Variants in SULF2 observed in about 807,000 individuals in gnomAD.
The protein encoded by SULF2 is extracellular sulfatase Sulf-2.
SULF2 carries 52 observed loss-of-function variants against 107.7 expected under a neutral mutation model. The observed-to-expected ratio is 0.48, with a 90% CI of 0.39 to 0.61. The LOEUF (loss-of-function observed/expected upper bound fraction) is 0.61, where lower values mean the gene tolerates loss of function less well. SULF2 is among the 20% of genes least tolerant of loss of function. The pLI is 0.00. For synonymous variants in SULF2, 460 were observed against 464.3 expected (o/e 0.99, Z 0.12); for missense variants, 993 against 1,177.3 (o/e 0.84, Z 2.29).
At chr20:47,758,011 G>A (rs2090333897) in intron 1 of SULF2, among the ~76,000 whole-genome samples, 1 of 152,098 alleles carries the variant, frequency 6.6e-6, no homozygotes, top group African/African-American at 2.4e-5. Flanking sequence ...TCCACTCACT[G>A]GCTCAGTTTT....
At chr20:47,692,899 G>C (rs940969044) in intron 4 of SULF2, among the ~76,000 whole-genome samples, 1 of 152,130 alleles carries the variant, frequency 6.6e-6, no homozygotes, top group Non-Finnish European at 1.5e-5. Context: ...TATTTTTTGT[G>C]GGGGCAGAGG....
chr20:47,772,488 C>T (rs1201408166), intron 1 of SULF2, among the ~76,000 whole-genome samples: 3 of 152,238 alleles, frequency 2.0e-5, no homozygotes, highest in Non-Finnish European at 4.4e-5. Context: ...GGCCTCTGCG[C>T]TTCCCCTTAC....
At chr20:47,728,204 G>A (rs1160746913) in intron 3 of SULF2, among the ~76,000 whole-genome samples, 2 of 152,188 alleles carry the variant, frequency 1.3e-5, no homozygotes, top group Admixed American at 6.5e-5. Flanking sequence ...GAGGGAAGAA[G>A]GGAGCTGTGT....
At chr20:47,676,869 G>A (rs1016368512) in intron 9 of SULF2, among the ~76,000 whole-genome samples, 1 of 152,232 alleles carries the variant, frequency 6.6e-6, no homozygotes, top group Non-Finnish European at 1.5e-5. Flanking sequence ...GTAGAGGCTG[G>A]ACAAAGCATG....
At chr20:47,743,691 G>A (rs2089942632) in intron 2 of SULF2, among the ~76,000 whole-genome samples, 1 of 152,190 alleles carries the variant, frequency 6.6e-6, no homozygotes, top group Non-Finnish European at 1.5e-5. Context: ...GCCTCACTCA[G>A]AGTAAAAATC....
intron 3 of SULF2, among the ~76,000 whole-genome samples, chr20:47,726,873 A>G (rs1311980251): frequency 6.6e-6 from 1 of 152,134 alleles, no homozygotes; most frequent in African/African-American, 2.4e-5. Flanking sequence ...TTGACCCTGC[A>G]GCTGTTTCAA....
intron 2 of SULF2, among the ~76,000 whole-genome samples, chr20:47,755,120 T>C (rs764500441): frequency 1.3e-5 from 2 of 152,240 alleles, no homozygotes; most frequent in Non-Finnish European, 2.9e-5. Context: ...CGTGAGCCAC[T>C]GCACCCAGCT....
chr20:47,713,575 A>T (rs2146656917), intron 3 of SULF2, among the ~76,000 whole-genome samples: 1 of 152,040 alleles, frequency 6.6e-6, no homozygotes, highest in South Asian at 2.1e-4. Flanking sequence ...GCAACAAATG[A>T]GATTGTGCAT....
Position 47,762,918 on chromosome 20 carries a change from G to A in SULF2, c.-100-5455C>T, listed in dbSNP as rs978700357. On this transcript the variant is annotated intron_variant, in intron 1 of 20. Transcript: ENST00000688720. ...GGAGCTAATTATTTCATCAGATCAA[G>A]TCATCAGTGGGTCGATTTCTGATGA... Among the ~76,000 whole-genome samples, 9 of 152,352 alleles carry A rather than the reference G, an allele frequency of 5.9e-5. No homozygotes were observed. The East Asian group carries it at 1.7e-3, about 29-fold the overall frequency.
At chr20:47,684,367 T>G in intron 6 of SULF2, 64 bp downstream of exon 6, 2 of 1,504,312 alleles carry the variant, frequency 1.3e-6, no homozygotes, top group Non-Finnish European at 1.8e-6. Flanking sequence ...CCAGGAGGTC[T>G]CGGCCCTGGC....
chr20:47,753,799 T>C (rs2090215810), intron 2 of SULF2, among the ~76,000 whole-genome samples: 1 of 152,196 alleles, frequency 6.6e-6, no homozygotes, highest in Admixed American at 6.5e-5. Flanking sequence ...GAGGTTTAGA[T>C]CAAATTAAAT....
chr20:47,729,839 A>G (rs1358810458), intron 3 of SULF2, among the ~76,000 whole-genome samples: 1 of 152,110 alleles, frequency 6.6e-6, no homozygotes, highest in Non-Finnish European at 1.5e-5. Context: ...GCATTGGGCC[A>G]CTTTATAGCA....
At chr20:47,690,045 G>A in intron 5 of SULF2, 81 bp downstream of exon 5, 3 of 1,250,050 alleles carry the variant, frequency 2.4e-6, no homozygotes, top group Middle Eastern at 4.2e-4. Context: ...AAGTCATGGT[G>A]GTGACAGTAC....
chr20:47,753,405 G>C (rs1422012706), intron 2 of SULF2, among the ~76,000 whole-genome samples: 2 of 152,184 alleles, frequency 1.3e-5, no homozygotes, highest in African/African-American at 4.8e-5. Flanking sequence ...TGCTGATGAG[G>C]CCAAGAAGAA....
At chr20:47,740,972 T>A (rs1481637036) in intron 2 of SULF2, among the ~76,000 whole-genome samples, 2 of 152,056 alleles carry the variant, frequency 1.3e-5, no homozygotes, top group Non-Finnish European at 2.9e-5. Context: ...ATCTTTCAGT[T>A]CCCACATCCA....
Position 47,683,092 on chromosome 20 carries a change from G to T in SULF2, c.966C>A (p.Ile322=). The change falls in exon 7 of 21, where the codon ATC becomes ATA. Residue 322 remains isoleucine, a synonymous_variant. Transcript: ENST00000688720. ...IVYTADHGYH[I]GQFGLVKGKS... ...TCCCTTTCACCAGGCCAAACTGGCC[G>T]ATGTGGTAACCGTGGTCGGCGGTGT... is the stretch of plus-strand genomic sequence containing the variant. 3 of 1,613,672 alleles carry T rather than the reference G, an allele frequency of 1.9e-6. No individual in the cohort carries two copies. In the South Asian group the frequency reaches 3.3e-5, roughly 18 times the overall value.
chr20:47,678,870 G>A lies in SULF2; in HGVS notation c.1065-66C>T, dbSNP rs1019922425. The A allele has an allele frequency of 2.1e-6, 3 of 1,421,862 alleles. No homozygotes were observed. The highest frequency in any genetic ancestry group is 2.3e-5 in the East Asian group (1 of 43,544). 88.1% of individuals were successfully genotyped at this position (1,421,862 alleles called of 1,614,324 possible). A position where few individuals can be genotyped will look rare whatever the true frequency, so the allele number is the denominator to read the frequency against. ...GTGGTGCCTCAGCCTCGCGTGGGGG[G>A]TGGGGAGCGGTAGGTGGGCAGCAGT... On this transcript the variant is annotated intron_variant, in intron 7 of 20. Transcript: ENST00000688720. The surrounding 1 kb of genome is among the most constrained non-coding windows in gnomAD (Gnocchi z 4.5).
chr20:47,772,456 T>C (rs557058668), intron 1 of SULF2, among the ~76,000 whole-genome samples: 55 of 152,292 alleles, frequency 3.6e-4, no homozygotes, highest in African/African-American at 1.3e-3. Flanking sequence ...AATGACATTG[T>C]GGTTACATTC....
chr20:47,687,300 G>C (rs1333246189), intron 5 of SULF2, among the ~76,000 whole-genome samples: 3 of 152,170 alleles, frequency 2.0e-5, no homozygotes, highest in African/African-American at 7.2e-5. Context: ...TGTCAAGCCA[G>C]GCTCCCCCAG....
Sources: allele counts gnomAD v4.1 joint callset (sites outside exome capture counted in the v4.1 genomes callset), GRCh38; gene constraint gnomAD v4.1.1; non-coding constraint Gnocchi (gnomAD v3.1); transcripts MANE v1.5; gene names NCBI Gene and HGNC (gene_info 2026-07-23, HGNC 2026-07-21).